ZCCHC2: variants seen among roughly 807,000 people sequenced by gnomAD.
The protein encoded by ZCCHC2 is zinc finger CCHC-type containing 2, also known as zinc finger CCHC domain-containing protein 2.
In ZCCHC2, 39 loss-of-function variants were observed where a neutral mutation model predicts 103.6. That is an observed-to-expected ratio of 0.38 (90% confidence interval 0.29 to 0.49). The LOEUF (loss-of-function observed/expected upper bound fraction) is 0.49, where lower values mean the gene tolerates loss of function less well. ZCCHC2 is among the 20% of genes least tolerant of loss of function. ZCCHC2 has a pLI of 0.96. For missense variants in ZCCHC2, 1,483 were observed against 1,491.0 expected (o/e 0.99, Z 0.09); for synonymous variants, 687 against 608.9 (o/e 1.13, Z -1.89).
chr18:62,546,174 C>A (rs1915397856), intron 4 of ZCCHC2, among the ~76,000 whole-genome samples: 2 of 152,154 alleles, frequency 1.3e-5, no homozygotes, highest in South Asian at 4.1e-4. Flanking sequence ...GCTCTGGACA[C>A]CTTGGGGAGA....
chr18:62,576,407 C>T (rs987890388), intron 13 of ZCCHC2, 105 bp from the exon 14 acceptor site: 4 of 934,892 alleles, frequency 4.3e-6, no homozygotes, highest in African/African-American at 3.3e-5. Flanking sequence ...CTAGAGCTGA[C>T]GAAGGTGCCT....
chr18:62,579,182 G>C (rs992647745), downstream of ZCCHC2, among the ~76,000 whole-genome samples: 32 of 152,376 alleles, frequency 2.1e-4, no homozygotes, highest in Non-Finnish European at 4.4e-4. Context: ...CAATGAGGCA[G>C]AGTCCTTGTC....
Position 62,523,376 on chromosome 18 carries a change from G to GCGCCCCCCC in ZCCHC2, c.-48_-47insGCCCCCCCC. ...GCCTCGGCCCGTGCTCCACCTCGCG[G>GCGCCCCCCC]CCCCTCCCGCCCGCCCCCGCTCGCA... On this transcript the variant is annotated 5_prime_UTR_variant, in exon 1 of 14. Transcript: ENST00000269499. 3 of 1,012,354 alleles carry GCGCCCCCCC rather than the reference G, an allele frequency of 3.0e-6. No homozygotes were observed. The highest frequency in any genetic ancestry group is 3.5e-6 in the Non-Finnish European group (3 of 848,990). The allele number at this position is 1,012,354 out of a possible 1,614,324, so 62.7% of individuals were successfully genotyped here. A position where few individuals can be genotyped will look rare whatever the true frequency, so the allele number is the denominator to read the frequency against.
At chr18:62,536,799 T>A (rs1914947345) in intron 1 of ZCCHC2, among the ~76,000 whole-genome samples, 1 of 152,218 alleles carries the variant, frequency 6.6e-6, no homozygotes, top group Non-Finnish European at 1.5e-5. Context: ...GGACTTTGGA[T>A]AGAAACTCAA....
intron 9 of ZCCHC2, among the ~76,000 whole-genome samples, 171 bp from the exon 10 acceptor site, chr18:62,564,400 C>T (rs1916255351): frequency 3.3e-5 from 5 of 152,114 alleles, no homozygotes; most frequent in Admixed American, 3.3e-4. Context: ...GTAAGTGTCA[C>T]AGAATATGTA....
chr18:62,584,890 C>A (rs1299222676), exon 15 of ZCCHC2: 1 of 152,336 alleles, frequency 6.6e-6, no homozygotes, highest in African/African-American at 2.4e-5. Flanking sequence ...TTGGTGCTCA[C>A]TTCCTGGCAC....
intron 2 of ZCCHC2, among the ~76,000 whole-genome samples, chr18:62,542,050 T>C (rs1915213544): frequency 6.6e-6 from 1 of 152,160 alleles, no homozygotes; most frequent in Non-Finnish European, 1.5e-5. Context: ...TTTAAAAAAA[T>C]TAAATGTAAA....
At chr18:62,565,213 GT>G in intron 11 of ZCCHC2, 117 bp downstream of exon 11, 1 of 739,214 alleles carries the variant, frequency 1.4e-6, no homozygotes, top group Non-Finnish European at 2.2e-6. Flanking sequence ...AGTTTACCTT[GT>G]GTTGATATGT....
chr18:62,536,699 C>T (rs1914943933), intron 1 of ZCCHC2, among the ~76,000 whole-genome samples: 2 of 152,140 alleles, frequency 1.3e-5, no homozygotes, highest in Admixed American at 1.3e-4. Context: ...TAAACATAGT[C>T]TACGTGATTT....
rs564011496 is a variant in ZCCHC2, at chr18:62,543,306, A to G, written c.1128+732A>G. 4.6e-5 allele frequency among the ~76,000 whole-genome samples: 7 copies of G among 152,138 alleles called. No individual in the cohort carries two copies. In the South Asian group the frequency reaches 1.2e-3, roughly 27 times the overall value. On this transcript the variant is annotated intron_variant, in intron 3 of 13. Transcript: ENST00000269499. ...CCTCCACTAGAATGTTTTCTCCTTC[A>G]TCCATGATACTCTGCCCTCGTACCT...
intron 1 of ZCCHC2, among the ~76,000 whole-genome samples, chr18:62,534,400 G>A (rs979298853): frequency 5.9e-5 from 9 of 152,112 alleles, no homozygotes; most frequent in African/African-American, 2.2e-4. Context: ...AGACCTAGCA[G>A]TGACATTTTG....
rs186618610 is a variant in ZCCHC2 at position 62,540,094 on chromosome 18, G to A, written c.1051+302G>A. Among the ~76,000 whole-genome samples the A allele has an allele frequency of 1.8e-4, 27 of 152,268 alleles. No individual in the cohort carries two copies. In the East Asian group the frequency reaches 5.2e-3, roughly 29 times the overall value. On this transcript the variant is annotated intron_variant, in intron 2 of 13. Coordinates refer to ENST00000269499, the MANE Select transcript of ZCCHC2 (RefSeq NM_017742.6). ...GGGGCAGAGACCCCCAGAGTATTTA[G>A]TATAGTGCTTTATTTGCAGAATTGA...
At chr18:62,570,370 A>G in intron 12 of ZCCHC2, 139 bp downstream of exon 12, 1 of 1,106,092 alleles carries the variant, frequency 9.0e-7, no homozygotes, top group Admixed American at 2.7e-5. Context: ...TTAAATGTAA[A>G]GTCGTTATAA....
Position 62,523,377 on chromosome 18 carries a change from CCCCTCCCG to C in ZCCHC2, c.-44_-37del. 4.3e-6 allele frequency: 1 copy of C among 230,576 alleles called. No individual in the cohort carries two copies. Among genetic ancestry groups the C allele is most frequent in the Non-Finnish European group, 7.1e-6 (1 of 140,646 alleles). 14.3% of individuals were successfully genotyped at this position (230,576 alleles called of 1,614,324 possible). ...CCTCGGCCCGTGCTCCACCTCGCGG[CCCCTCCCG>C]CCCGCCCCCGCTCGCATGTCTGCGC... On this transcript the variant is annotated 5_prime_UTR_variant, in exon 1 of 14. Coordinates refer to ENST00000269499, the MANE Select transcript of ZCCHC2 (RefSeq NM_017742.6).
chr18:62,526,426 ATTAAG>A, intron 1 of ZCCHC2: 1 of 152,278 alleles, frequency 6.6e-6, no homozygotes, highest in African/African-American at 2.4e-5. Context: ...TTCACATCTC[ATTAAG>A]TTGTTACGAC....
At chr18:62,548,784 G>T (rs1343180489) in intron 4 of ZCCHC2, among the ~76,000 whole-genome samples, 2 of 152,072 alleles carry the variant, frequency 1.3e-5, no homozygotes, top group Admixed American at 1.3e-4. Flanking sequence ...AATTAGCCAG[G>T]GGTGGTGGTA....
chr18:62,558,907 G>A, intron 7 of ZCCHC2, 137 bp downstream of exon 7: 1 of 522,290 alleles, frequency 1.9e-6, no homozygotes, highest in Non-Finnish European at 3.4e-6. Flanking sequence ...AGAAGGAATA[G>A]ACCATTCAAT....
chr18:62,523,658 G>A lies in ZCCHC2; in HGVS notation c.234G>A (p.Gly78=). 1.5e-6 allele frequency: 2 copies of A among 1,312,630 alleles called. No individual in the cohort carries two copies. The highest frequency in any genetic ancestry group is 1.9e-6 in the Non-Finnish European group (2 of 1,036,574). The allele number at this position is 1,312,630 out of a possible 1,614,324, so 81.3% of individuals were successfully genotyped here. Residue 78 remains glycine (G), a synonymous_variant, in exon 1 of 14, where the codon GGG becomes GGA. Coordinates refer to ENST00000269499, the MANE Select transcript of ZCCHC2 (RefSeq NM_017742.6). ...GPPVAGGAAA[G]AGMPGGGGGP... is the part of the protein sequence containing the mutation. ...CTGTTGCTGGTGGAGCGGCGGCGGG[G>A]GCGGGTATGCCGGGCGGCGGCGGGG...
intron 1 of ZCCHC2, 50 bp downstream of exon 1, chr18:62,524,413 C>A: frequency 7.0e-7 from 1 of 1,424,802 alleles, no homozygotes; most frequent in Admixed American, 2.9e-5. Context: ...GCTGCCCCGG[C>A]GGCCTCCCCG....
Sources: allele counts gnomAD v4.1 joint callset (sites outside exome capture counted in the v4.1 genomes callset), GRCh38; gene constraint gnomAD v4.1.1; transcripts MANE v1.5; gene names NCBI Gene and HGNC (gene_info 2026-07-23, HGNC 2026-07-21).